The following MIER1 variants were observed in gnomAD, a reference collection of about 807,000 sequenced individuals.
MIER1 encodes mesoderm induction early response protein 1.
Under a neutral mutation model 75.7 loss-of-function variants are expected in MIER1, and 40 were observed. That is an observed-to-expected ratio of 0.53 (90% CI 0.41 to 0.69). The LOEUF (loss-of-function observed/expected upper bound fraction) is 0.69. Among genes scored for constraint, MIER1 ranks in the 30% least tolerant of loss-of-function variants. The pLI, the probability that MIER1 is intolerant of heterozygous loss-of-function variation, is 0.00. For missense variants in MIER1, 574 were observed against 680.2 expected (o/e 0.84, Z 1.74); for synonymous variants, 213 against 223.4 (o/e 0.95, Z 0.42).
intron 1 of MIER1, chr1:66,925,517 T>C (rs1289858795): frequency 2.0e-6 from 2 of 985,334 alleles, no homozygotes; most frequent in Middle Eastern, 5.2e-4. Flanking sequence ...GGCTCTCGCT[T>C]GCACTGCAGC....
In MIER1 at chr1:66,928,976, C is replaced by A. The variant is rs1185308252; in HGVS notation, c.168+2734C>A. The A allele has an allele frequency of 2.6e-6, 4 of 1,525,704 alleles. No homozygotes were observed. The African/African-American group carries it at 5.5e-5, about 21-fold the overall frequency. The allele number at this position is 1,525,704 out of a possible 1,614,324, so 94.5% of individuals were successfully genotyped here. On this transcript the variant is annotated intron_variant, in intron 2 of 13. Coordinates refer to ENST00000401041, the MANE Select transcript of MIER1 (RefSeq NM_001077700.3). ...GTCAAATTACCAGGTAATGTCCTTTCACTTAGCAGCTACTTCATATATCTG... is the reference window on the plus strand; with the variant it reads ...GTCAAATTACCAGGTAATGTCCTTTAACTTAGCAGCTACTTCATATATCTG...
intron 7 of MIER1, among the ~76,000 whole-genome samples, chr1:66,962,172 T>G (rs1432079939): frequency 6.6e-6 from 1 of 152,198 alleles, no homozygotes; most frequent in African/African-American, 2.4e-5. Context: ...AGTTTGCAGT[T>G]GCTTTTGAGA....
chr1:66,979,100 T>A (rs66594421), intron 12 of MIER1, among the ~76,000 whole-genome samples: 1 of 152,104 alleles, frequency 6.6e-6, no homozygotes, highest in East Asian at 1.9e-4. Flanking sequence ...CTGGGTTGTT[T>A]TTTTTTTATA....
chr1:66,946,386 A>G, intron 4 of MIER1, 91 bp downstream of exon 4: 2 of 1,459,356 alleles, frequency 1.4e-6, no homozygotes, highest in Admixed American at 5.3e-5. Context: ...ATTAGGAGAG[A>G]AATTGTGTTA....
At chr1:66,937,353 A>G (rs1655144434) in intron 2 of MIER1, among the ~76,000 whole-genome samples, 1 of 152,146 alleles carries the variant, frequency 6.6e-6, no homozygotes, top group South Asian at 2.1e-4. Context: ...TTGGGAGGCC[A>G]AAGCAGGGAG....
At chr1:66,927,740 T>A (rs1409753722) in intron 2 of MIER1, among the ~76,000 whole-genome samples, 1 of 152,084 alleles carries the variant, frequency 6.6e-6, no homozygotes, top group African/African-American at 2.4e-5. Context: ...GCAGCCTTTT[T>A]ATGAGATATA....
intron 8 of MIER1, among the ~76,000 whole-genome samples, chr1:66,965,763 AT>A (rs1238979849): frequency 1.3e-5 from 2 of 152,076 alleles, no homozygotes; most frequent in South Asian, 2.1e-4. Context: ...TACTCATTCT[AT>A]TTTTTTGTAC....
chr1:66,933,082 A>G (rs1443577129), intron 2 of MIER1, among the ~76,000 whole-genome samples: 2 of 152,120 alleles, frequency 1.3e-5, no homozygotes, highest in Non-Finnish European at 2.9e-5. Context: ...CTTGCTTAAT[A>G]CTTTTTGGCA....
intron 2 of MIER1, among the ~76,000 whole-genome samples, chr1:66,935,895 A>G (rs1201867606): frequency 6.6e-6 from 1 of 152,166 alleles, no homozygotes; most frequent in Non-Finnish European, 1.5e-5. Context: ...TGGAAGAACT[A>G]TGTATGGAAG....
intron 2 of MIER1, among the ~76,000 whole-genome samples, chr1:66,934,170 C>G (rs1654123584): frequency 6.6e-6 from 1 of 151,988 alleles, no homozygotes; most frequent in African/African-American, 2.4e-5. Flanking sequence ...TAAACATATC[C>G]CATGCATTTA....
rs1381934699 is a variant in MIER1, at chr1:66,986,755, TTG to T, written c.*1857_*1858del. 1 of 291,572 alleles carries T rather than the reference TTG, an allele frequency of 3.4e-6. No individual in the cohort carries two copies. Among genetic ancestry groups the T allele is most frequent in the Non-Finnish European group, 6.3e-6 (1 of 158,836 alleles). The allele number at this position is 291,572 out of a possible 1,614,324, so 18.1% of individuals were successfully genotyped here. On this transcript the variant is annotated 3_prime_UTR_variant, in exon 14 of 14. Transcript: ENST00000401041. ...AGTGTTGAGAAGTATGAGTTTTTTGTTGTTTTTGTTTTACTTAAAACTTTTAA... is the reference window on the plus strand; with the variant it reads ...AGTGTTGAGAAGTATGAGTTTTTTGTTTTTTGTTTTACTTAAAACTTTTAA...
intron 2 of MIER1, among the ~76,000 whole-genome samples, chr1:66,936,130 A>T (rs1363976202): frequency 2.0e-5 from 3 of 152,180 alleles, no homozygotes; most frequent in Admixed American, 2.0e-4. Flanking sequence ...ATATATTTTA[A>T]TGCCCAATTT....
intron 4 of MIER1, among the ~76,000 whole-genome samples, chr1:66,955,485 G>A (rs1257303974): frequency 4.0e-5 from 6 of 151,764 alleles, no homozygotes; most frequent in Non-Finnish European, 2.9e-5. Context: ...CAGACCAATC[G>A]TAGAGAGCCT....
chr1:66,968,192 T>C (rs182326261), intron 8 of MIER1, among the ~76,000 whole-genome samples: 5 of 152,238 alleles, frequency 3.3e-5, no homozygotes, highest in Admixed American at 2.6e-4. Flanking sequence ...TGAGATTGCT[T>C]TGGAGGGATC....
At chr1:66,954,772 T>G (rs1225118290) in intron 4 of MIER1, among the ~76,000 whole-genome samples, 1 of 151,982 alleles carries the variant, frequency 6.6e-6, no homozygotes, top group African/African-American at 2.4e-5. Context: ...AGTGGCATGA[T>G]CTCAGCTCAC....
chr1:66,953,631 T>G (rs1040489389), intron 4 of MIER1, among the ~76,000 whole-genome samples: 4 of 150,006 alleles, frequency 2.7e-5, no homozygotes, highest in Non-Finnish European at 5.9e-5. Context: ...TGAGACAGGG[T>G]CTCACTCTGT....
chr1:66,934,108 G>C (rs1288943426), intron 2 of MIER1, among the ~76,000 whole-genome samples: 1 of 152,022 alleles, frequency 6.6e-6, no homozygotes, highest in Non-Finnish European at 1.5e-5. Context: ...CCAAAAAATT[G>C]TTTTTGCAAA....
At position 66,958,902 on chromosome 1, in the gene MIER1, A is replaced by G. The variant is rs747980430; in HGVS notation, c.553A>G (p.Asn185Asp). ...TCAGGAGGATGAAACTCAGTCTTCC[A>G]ATGATGATCCATCACAATCTGTTGC... ...SGQEDETQSS[N>D]DDPSQSVASQ... Residue 185 changes from asparagine (N) to aspartate (D), a missense_variant, in exon 6 of 14, where the codon AAT (asparagine) becomes GAT (aspartate). Asn to Asp is a conservative substitution (Grantham distance 23). This residue lies in a region of MIER1 where 309 missense variants were observed against 352.8 expected (regional missense o/e 0.88). Transcript: ENST00000401041. 3 of 1,611,316 alleles carry G rather than the reference A, an allele frequency of 1.9e-6. No homozygotes were observed. Among genetic ancestry groups the G allele is most frequent in the East Asian group, 2.2e-5 (1 of 44,812 alleles).
rs1315925476 is a variant in MIER1, at chr1:66,958,225, G to C, written c.501+5G>C. Reference sequence around the variant, plus strand: ...GGCTGTAGTGGGGAAAATAAAGTAAGTCTATATACATATATTTAAGATTGT... The same window carrying C: ...GGCTGTAGTGGGGAAAATAAAGTAACTCTATATACATATATTTAAGATTGT... On this transcript the variant is annotated splice_donor_5th_base_variant and intron_variant, in intron 5 of 13. Transcript: ENST00000401041. 6.3e-7 allele frequency: 1 copy of C among 1,589,418 alleles called. No individual in the cohort carries two copies. Among genetic ancestry groups the C allele is most frequent in the South Asian group, 1.1e-5 (1 of 89,144 alleles).
Sources: gnomAD v4.1 joint callset for allele counts (sites outside exome capture counted in the v4.1 genomes callset) on GRCh38, gnomAD v4.1.1 for gene constraint, gnomAD v4.1.1 regional missense constraint, MANE v1.5 for transcripts, NCBI Gene and HGNC (gene_info 2026-07-23, HGNC 2026-07-21) for gene names.